Variants in PDE11A observed in about 807,000 individuals in gnomAD.
PDE11A encodes dual 3',5'-cyclic-AMP and -GMP phosphodiesterase 11A.
Under a neutral mutation model 100.5 loss-of-function variants are expected in PDE11A, and 100 were observed. The ratio of observed to expected loss-of-function variants is 1.00; its 90% CI spans 0.85 to 1.18. PDE11A has a LOEUF of 1.18. Ranked by LOEUF, PDE11A falls within the 50% of genes most tolerant of loss-of-function variation. PDE11A has a pLI of 0.00. For synonymous variants in PDE11A, 381 were observed against 420.8 expected (o/e 0.91, Z 1.16); for missense variants, 1,141 against 1,152.6 (o/e 0.99, Z 0.15).
chr2:177,794,634 T>G (rs28380215), intron 9 of PDE11A, among the ~76,000 whole-genome samples: 53,691 of 151,970 alleles, frequency 0.35, 10,093 homozygotes, highest in African/African-American at 0.46. Flanking sequence ...CAGACCCACA[T>G]GAGCCAGATC....
intron 7 of PDE11A, among the ~76,000 whole-genome samples, chr2:177,819,860 TTCTCTCTTTC>T (rs2083105796): frequency 9.8e-6 from 1 of 102,184 alleles, no homozygotes; most frequent in Admixed American, 1.2e-4. Flanking sequence ...CTTTCTCTCT[TTCTCTCTTTC>T]TCTCTCTCTC....
At chr2:177,719,081 G>C (rs1308507284) in intron 12 of PDE11A, among the ~76,000 whole-genome samples, 1 of 152,144 alleles carries the variant, frequency 6.6e-6, no homozygotes, top group Non-Finnish European at 1.5e-5. Flanking sequence ...AGACAGAACT[G>C]GTAGGAATGT....
At chr2:178,052,187 T>C (rs1260860581) in intron 1 of PDE11A, among the ~76,000 whole-genome samples, 1 of 151,874 alleles carries the variant, frequency 6.6e-6, no homozygotes, top group African/African-American at 2.4e-5. Flanking sequence ...TGCAATCAAA[T>C]TAGAACTCAG....
intron 15 of PDE11A, chr2:177,683,154 G>A (rs1431634250): frequency 6.6e-6 from 1 of 152,194 alleles, no homozygotes; most frequent in South Asian, 2.1e-4. Context: ...TTACTTGAAA[G>A]GAGACAGGTC....
At chr2:177,770,062 C>CA (rs1424596598) in intron 9 of PDE11A, among the ~76,000 whole-genome samples, 2 of 152,164 alleles carry the variant, frequency 1.3e-5, no homozygotes, top group African/African-American at 4.8e-5. Flanking sequence ...CACCTATTCT[C>CA]ATTTGCCTGC....
chr2:178,051,808 G>A (rs531238146), intron 1 of PDE11A, among the ~76,000 whole-genome samples: 3 of 152,292 alleles, frequency 2.0e-5, no homozygotes, highest in South Asian at 2.1e-4. Context: ...AACAAGAAGA[G>A]CTAACTATCC....
upstream of PDE11A, among the ~76,000 whole-genome samples, chr2:178,077,299 T>C (rs2087220936): frequency 7.2e-6 from 1 of 139,860 alleles, no homozygotes; most frequent in Admixed American, 7.3e-5. Context: ...AGAGTCTCAC[T>C]CTGCTGCCCA....
At chr2:177,686,448 T>G (rs1161755563) in intron 15 of PDE11A, among the ~76,000 whole-genome samples, 1 of 152,046 alleles carries the variant, frequency 6.6e-6, no homozygotes, top group African/African-American at 2.4e-5. Context: ...ACGCCTGTAG[T>G]CCCAGCTGCT....
At chr2:177,993,218 G>A (rs78884276) in intron 2 of PDE11A, among the ~76,000 whole-genome samples, 1 of 152,190 alleles carries the variant, frequency 6.6e-6, no homozygotes, top group African/African-American at 2.4e-5. Context: ...GTAGGGCTAG[G>A]GGACAGTGGC....
In PDE11A at chr2:177,624,261, T is replaced by G. The variant is rs1158103995; in HGVS notation, c.*5146A>C. The G allele has an allele frequency of 2.9e-4, 3 of 10,272 alleles. No homozygotes were observed. Among genetic ancestry groups the G allele is most frequent in the African/African-American group, 4.3e-4 (3 of 7,022 alleles). 0.6% of individuals were successfully genotyped at this position (10,272 alleles called of 1,614,324 possible). A position where few individuals can be genotyped will look rare whatever the true frequency, so the allele number is the denominator to read the frequency against. ...ATGAATCCTTTTTGTGTTTTGGTGG[T>G]TTTTTTTTTTTTCAGCCAAGGCATT... is the stretch of plus-strand genomic sequence containing the variant. On this transcript the variant is annotated 3_prime_UTR_variant, in exon 20 of 20. Coordinates refer to ENST00000286063, the MANE Select transcript of PDE11A (RefSeq NM_016953.4).
At chr2:177,885,650 T>C (rs1052234546) in intron 4 of PDE11A, among the ~76,000 whole-genome samples, 4 of 152,092 alleles carry the variant, frequency 2.6e-5, no homozygotes, top group Non-Finnish European at 5.9e-5. Flanking sequence ...GTAAGTGATA[T>C]AGAAAGCAAA....
rs144773564 is a variant in PDE11A, at chr2:178,009,487, T to C, written c.1071+4815A>G. Among the ~76,000 whole-genome samples, 981 of 152,280 alleles carry C rather than the reference T, an allele frequency of 6.4e-3. 2 individuals are homozygous for C. Among genetic ancestry groups the C allele is most frequent in the Non-Finnish European group, 8.6e-3 (582 of 68,028 alleles). On this transcript the variant is annotated intron_variant, in intron 2 of 19. Transcript: ENST00000286063. ...CAAACTCTCACCACTGCTGATAAAA[T>C]TATTGCTAATTATCCAAGAACTTTA...
chr2:177,658,734 T>TTA (rs1553535019), intron 19 of PDE11A, among the ~76,000 whole-genome samples: 3,609 of 150,220 alleles, frequency 0.024, 141 homozygotes, highest in African/African-American at 0.083. Context: ...TTTTTTTTTT[T>TTA]AATATCTGAT....
chr2:177,906,924 T>C (rs1321137069), intron 2 of PDE11A, among the ~76,000 whole-genome samples: 1 of 152,236 alleles, frequency 6.6e-6, no homozygotes, highest in African/African-American at 2.4e-5. Flanking sequence ...AGACAATGAC[T>C]ATAACGGGGA....
At chr2:177,678,526 A>T (rs2080813528) in intron 16 of PDE11A, among the ~76,000 whole-genome samples, 1 of 152,220 alleles carries the variant, frequency 6.6e-6, no homozygotes, top group Admixed American at 6.5e-5. Context: ...ACCATTGACT[A>T]TTTAGAATTG....
chr2:177,977,219 G>A (rs1338081026), intron 2 of PDE11A, among the ~76,000 whole-genome samples: 2 of 91,262 alleles, frequency 2.2e-5, no homozygotes, highest in African/African-American at 4.2e-5. Flanking sequence ...ATCTCCTTAA[G>A]CTGATAAGCA....
At chr2:178,003,060 G>A (rs1165841014) in intron 2 of PDE11A, among the ~76,000 whole-genome samples, 2 of 152,134 alleles carry the variant, frequency 1.3e-5, no homozygotes, top group African/African-American at 4.8e-5. Context: ...GTACTGACAT[G>A]GGTGTGGAGA....
intron 1 of PDE11A, among the ~76,000 whole-genome samples, chr2:178,054,568 A>G (rs1330889796): frequency 6.6e-6 from 1 of 152,230 alleles, no homozygotes; most frequent in Non-Finnish European, 1.5e-5. Flanking sequence ...GGCAACCTAA[A>G]GAATGGGAGA....
chr2:177,857,514 T>C (rs1205781453), intron 5 of PDE11A, among the ~76,000 whole-genome samples: 2 of 152,008 alleles, frequency 1.3e-5, no homozygotes, highest in South Asian at 2.1e-4. Flanking sequence ...AAAGATGTAA[T>C]TAGTAGGACA....
Sources: allele counts gnomAD v4.1 joint callset (sites outside exome capture counted in the v4.1 genomes callset), GRCh38; gene constraint gnomAD v4.1.1; transcripts MANE v1.5; gene names NCBI Gene and HGNC (gene_info 2026-07-23, HGNC 2026-07-21).